Variants in CACNA2D3 observed in about 807,000 individuals in gnomAD.
The protein encoded by CACNA2D3 is calcium voltage-gated channel auxiliary subunit alpha2delta 3.
A neutral mutation model predicts 160.6 loss-of-function variants in CACNA2D3; 60 were observed. The ratio of observed to expected loss-of-function variants is 0.37; its 90% CI spans 0.30 to 0.46. The LOEUF (loss-of-function observed/expected upper bound fraction) is 0.46. Among genes scored for constraint, CACNA2D3 ranks in the 20% least tolerant of loss-of-function variants. CACNA2D3 has a pLI of 1.00. For synonymous variants in CACNA2D3, 558 were observed against 492.9 expected, an observed-to-expected ratio of 1.13 and a Z score of -1.75; for missense variants, 1,205 against 1,365.0, an observed-to-expected ratio of 0.88 and a Z score of 1.85.
chr3:54,809,004 G>A (rs144158541), intron 13 of CACNA2D3, among the ~76,000 whole-genome samples: 8 of 152,244 alleles, frequency 5.3e-5, no homozygotes, highest in Admixed American at 2.6e-4. Flanking sequence ...GCATTAGCTC[G>A]TTTAATCCTC....
chr3:54,156,546 G>T (rs1240783497), intron 2 of CACNA2D3, among the ~76,000 whole-genome samples: 1 of 152,142 alleles, frequency 6.6e-6, no homozygotes, highest in Admixed American at 6.5e-5. Flanking sequence ...CTCCACGATG[G>T]CCCCCATTCC....
chr3:54,577,796 C>T lies in CACNA2D3; in HGVS notation c.889-4007C>T, dbSNP rs952333613. ...CACAAAAGCTGAGGCCAAGCTCACC[C>T]AGCTAGTGTGTGGCAGAGTCAGGAT... is the stretch of plus-strand genomic sequence containing the variant. On this transcript the variant is annotated intron_variant, in intron 8 of 37. Transcript: ENST00000474759. Among the ~76,000 whole-genome samples the T allele has an allele frequency of 2.0e-5, 3 of 152,300 alleles. No homozygotes were observed. The South Asian group carries it at 6.2e-4, about 32-fold the overall frequency.
At chr3:54,967,523 G>T (rs572018339) in intron 27 of CACNA2D3, among the ~76,000 whole-genome samples, 4 of 152,278 alleles carry the variant, frequency 2.6e-5, no homozygotes, top group Non-Finnish European at 5.9e-5. Context: ...TGGTAAAAAT[G>T]GGGAGGTTGT....
rs192654934 is a variant in CACNA2D3 at position 54,493,324 on chromosome 3, G to A, written c.382-10168G>A. ...ACTCTTGAGCTCAGGCAGTCCACCC[G>A]TCTTGACCTCCCAAAATGTTAGGAT... On this transcript the variant is annotated intron_variant, in intron 4 of 37. Coordinates refer to ENST00000474759, the MANE Select transcript of CACNA2D3 (RefSeq NM_018398.3). 1.6e-3 allele frequency among the ~76,000 whole-genome samples: 239 copies of A among 152,044 alleles called. 1 individual carries two copies. Among genetic ancestry groups the A allele is most frequent in the African/African-American group, 5.4e-3 (222 of 41,458 alleles).
In CACNA2D3 at chr3:54,627,804, G is replaced by A; in HGVS notation, c.981G>A (p.Leu327=). The A allele has an allele frequency of 6.2e-7, 1 of 1,609,990 alleles. No homozygotes were observed. Among genetic ancestry groups the A allele is most frequent in the Non-Finnish European group, 8.5e-7 (1 of 1,177,982 alleles). ...TGTTTCAGCACTTCAGGGAGCATCT[G>A]GACAAACTTTTCGCCAAAGGAATTG... ...RTNKEHFREH[L]DKLFAKGIGM... Residue 327 remains leucine (L), a synonymous_variant, in exon 10 of 38, where the codon CTG becomes CTA. Transcript: ENST00000474759.
chr3:54,737,862 C>T (rs749911891), intron 11 of CACNA2D3, among the ~76,000 whole-genome samples: 5 of 152,170 alleles, frequency 3.3e-5, no homozygotes, highest in Admixed American at 6.5e-5. Flanking sequence ...GACGGGGTTT[C>T]GCCATGTTGG....
At chr3:54,526,708 C>T (rs550673818) in intron 5 of CACNA2D3, among the ~76,000 whole-genome samples, 8 of 152,166 alleles carry the variant, frequency 5.3e-5, no homozygotes, top group South Asian at 2.1e-4. Flanking sequence ...GTTGTTTTTT[C>T]GAGATGGAGT....
At chr3:54,693,265 C>T (rs572114653) in intron 11 of CACNA2D3, among the ~76,000 whole-genome samples, 32 of 152,230 alleles carry the variant, frequency 2.1e-4, no homozygotes, top group African/African-American at 7.2e-4. Flanking sequence ...CTCTGCATAA[C>T]GATGTTCCAA....
intron 3 of CACNA2D3, among the ~76,000 whole-genome samples, chr3:54,330,069 A>G (rs2107516574): frequency 6.6e-6 from 1 of 152,340 alleles, no homozygotes; most frequent in Non-Finnish European, 1.5e-5. Flanking sequence ...GCGAGTAATC[A>G]GAATCTTTGT....
At chr3:54,448,444 G>A (rs1282559444) in intron 4 of CACNA2D3, among the ~76,000 whole-genome samples, 1 of 152,178 alleles carries the variant, frequency 6.6e-6, no homozygotes, top group Non-Finnish European at 1.5e-5. Flanking sequence ...CTCTCACTCT[G>A]TCTCTGTTTC....
chr3:54,881,726 T>C (rs1699801050), intron 21 of CACNA2D3, among the ~76,000 whole-genome samples: 1 of 152,144 alleles, frequency 6.6e-6, no homozygotes, highest in South Asian at 2.1e-4. Flanking sequence ...TGGATGTCTT[T>C]AGGGAGGACA....
At chr3:54,814,367 C>CA (rs970425556) in intron 13 of CACNA2D3, among the ~76,000 whole-genome samples, 3 of 152,242 alleles carry the variant, frequency 2.0e-5, no homozygotes, top group African/African-American at 7.2e-5. Context: ...GGCTGGAAGG[C>CA]ATATGCCTCA....
rs79166598 is a variant in CACNA2D3, at chr3:54,216,924, G to C, written c.204+93330G>C. On this transcript the variant is annotated intron_variant, in intron 2 of 37. Coordinates refer to ENST00000474759, the MANE Select transcript of CACNA2D3 (RefSeq NM_018398.3). ...ATTTTGTGGAACTTCTGTTTGGTGGGGGGAGATAAAGAAGAACTAAGTAGA... is the reference window on the plus strand; with the variant it reads ...ATTTTGTGGAACTTCTGTTTGGTGGCGGGAGATAAAGAAGAACTAAGTAGA... 5.6e-3 allele frequency among the ~76,000 whole-genome samples: 854 copies of C among 152,252 alleles called. 30 individuals carry two copies. In the East Asian group the frequency reaches 0.11, roughly 19 times the overall value.
intron 10 of CACNA2D3, chr3:54,638,021 G>T (rs2106837560): frequency 6.6e-6 from 1 of 152,170 alleles, no homozygotes; most frequent in East Asian, 1.9e-4. Context: ...GTGTGCTGGA[G>T]ATGTGGCTGG....
At chr3:54,423,432 T>C (rs1429144736) in intron 4 of CACNA2D3, among the ~76,000 whole-genome samples, 1 of 152,158 alleles carries the variant, frequency 6.6e-6, no homozygotes, top group Non-Finnish European at 1.5e-5. Flanking sequence ...AACTGAGACC[T>C]GTGTGCCTCC....
chr3:54,997,675 A>G (rs960948763), intron 31 of CACNA2D3, among the ~76,000 whole-genome samples: 4 of 152,126 alleles, frequency 2.6e-5, no homozygotes, highest in African/African-American at 9.7e-5. Flanking sequence ...ACAGTGAGCT[A>G]TGTGCCACTG....
At chr3:54,277,556 A>G (rs1044805842) in intron 2 of CACNA2D3, among the ~76,000 whole-genome samples, 2 of 152,078 alleles carry the variant, frequency 1.3e-5, no homozygotes, top group African/African-American at 4.8e-5. Flanking sequence ...TGAAGGCAGG[A>G]AGTGTGATAC....
At chr3:55,030,770 C>T (rs564462248) in intron 35 of CACNA2D3, among the ~76,000 whole-genome samples, 1 of 152,256 alleles carries the variant, frequency 6.6e-6, no homozygotes, top group Admixed American at 6.5e-5. Context: ...AGGATGATTA[C>T]AACTTTGAGG....
At chr3:54,163,937 G>A (rs1026144965) in intron 2 of CACNA2D3, among the ~76,000 whole-genome samples, 5 of 152,220 alleles carry the variant, frequency 3.3e-5, no homozygotes, top group African/African-American at 1.2e-4. Context: ...TTGGTACAGT[G>A]TGGTTGGTTC....
Sources: allele counts gnomAD v4.1 joint callset (sites outside exome capture counted in the v4.1 genomes callset), GRCh38; gene constraint gnomAD v4.1.1; transcripts MANE v1.5; gene names NCBI Gene and HGNC (gene_info 2026-07-23, HGNC 2026-07-21).